The following KTN1 variants were observed in gnomAD, a reference collection of about 807,000 sequenced individuals.
KTN1 encodes kinectin 1.
Under a neutral mutation model 222.5 loss-of-function variants are expected in KTN1, and 130 were observed. The ratio of observed to expected loss-of-function variants is 0.58; its 90% CI spans 0.51 to 0.68. The LOEUF (loss-of-function observed/expected upper bound fraction) is 0.68. Among genes scored for constraint, KTN1 ranks in the 30% least tolerant of loss-of-function variants. KTN1 has a pLI of 0.00. For missense variants in KTN1, 1,508 were observed against 1,500.4 expected (o/e 1.01, Z -0.08); for synonymous variants, 512 against 496.3 (o/e 1.03, Z -0.42).
chr14:55,595,033 A>G (rs2034785654), intron 1 of KTN1, among the ~76,000 whole-genome samples: 1 of 152,238 alleles, frequency 6.6e-6, no homozygotes, highest in Non-Finnish European at 1.5e-5. Flanking sequence ...CAAGTTGTTC[A>G]CAACACGGGA....
chr14:55,668,806 A>T (rs941839402), intron 34 of KTN1: 1 of 152,130 alleles, frequency 6.6e-6, no homozygotes. Context: ...GGGGTGGGGT[A>T]AGTAAACTTA....
intron 34 of KTN1, among the ~76,000 whole-genome samples, chr14:55,669,564 G>C (rs1005541589): frequency 5.3e-5 from 8 of 151,870 alleles, no homozygotes; most frequent in Non-Finnish European, 1.2e-4. Context: ...TCCTCTTGCT[G>C]TTTTGCTGAG....
rs768878340 is a variant in KTN1 at position 55,673,208 on chromosome 14, G to T, written c.3724G>T (p.Asp1242Tyr). The T allele has an allele frequency of 2.5e-6, 4 of 1,613,174 alleles. No individual in the cohort carries two copies. In the Admixed American group the frequency reaches 6.7e-5, roughly 27 times the overall value. Reference protein sequence around the residue: ...DLLTELQKKLDDSYSEAVRQN... With the variant: ...DLLTELQKKLYDSYSEAVRQN... ...GTTGACTGAATTGCAGAAAAAACTTGATGATTCATATTCTGAAGCAGTAAG... is the reference window on the plus strand; with the variant it reads ...GTTGACTGAATTGCAGAAAAAACTTTATGATTCATATTCTGAAGCAGTAAG... Residue 1242 changes from aspartate (D) to tyrosine (Y), a missense_variant, in exon 40 of 44, where the codon GAT (aspartate) becomes TAT (tyrosine). Physicochemically the swap from Asp to Tyr is radical, Grantham distance 160. Coordinates refer to ENST00000395314, the MANE Select transcript of KTN1 (RefSeq NM_001079521.2).
chr14:55,619,826 C>T (rs750318023), intron 5 of KTN1, among the ~76,000 whole-genome samples: 1 of 152,062 alleles, frequency 6.6e-6, no homozygotes, highest in Non-Finnish European at 1.5e-5. Flanking sequence ...CATAACATTC[C>T]ACTCCAGACC....
intron 1 of KTN1, among the ~76,000 whole-genome samples, chr14:55,598,460 G>A (rs574762772): frequency 6.6e-6 from 1 of 150,752 alleles, no homozygotes; most frequent in East Asian, 1.9e-4. Context: ...AAGAATATTG[G>A]TTCCTCAATC....
In KTN1 at chr14:55,648,827, T is replaced by C. The variant is rs2042651403; in HGVS notation, c.2324T>C (p.Leu775Pro). 1.2e-6 allele frequency: 2 copies of C among 1,605,810 alleles called. No individual in the cohort carries two copies. The highest frequency in any genetic ancestry group is 2.7e-5 in the African/African-American group (2 of 74,732). Residue 775 changes from leucine (L) to proline (P), a missense_variant, in exon 21 of 44, where the codon CTG becomes CCG. Physicochemically the swap from Leu to Pro is moderately conservative, Grantham distance 98. Transcript: ENST00000395314. Reference sequence around the variant, plus strand: ...GCAATAAGAACAGAAAATTCATCTCTGACAAAAGAAGTTCAAGACTTAAAA... The same window carrying C: ...GCAATAAGAACAGAAAATTCATCTCCGACAAAAGAAGTTCAAGACTTAAAA... Reference protein sequence around the residue: ...LNAIRTENSSLTKEVQDLKAK... With the variant: ...LNAIRTENSSPTKEVQDLKAK...
chr14:55,680,716 T>C (rs747017608), intron 43 of KTN1: 3 of 1,366,370 alleles, frequency 2.2e-6, no homozygotes, highest in Non-Finnish European at 2.9e-6. Flanking sequence ...CCTTGACACA[T>C]GCTCTCCTTC....
Position 55,675,829 on chromosome 14 carries a change from T to C in KTN1, c.3772-6T>C. The C allele has an allele frequency of 1.3e-6, 2 of 1,590,464 alleles. No homozygotes were observed. Among genetic ancestry groups the C allele is most frequent in the Non-Finnish European group, 1.7e-6 (2 of 1,159,324 alleles). Reference sequence around the variant, plus strand: ...AGTTAATTGTGGTGTTCCTTTATTTTTACAGTTGAAGGCACAGTTAAATGA... The same window carrying C: ...AGTTAATTGTGGTGTTCCTTTATTTCTACAGTTGAAGGCACAGTTAAATGA... On this transcript the variant is annotated splice_region_variant and splice_polypyrimidine_tract_variant and intron_variant, in intron 40 of 43. Transcript: ENST00000395314.
chr14:55,649,916 G>A (rs980034971), intron 22 of KTN1, 103 bp downstream of exon 22: 6 of 607,908 alleles, frequency 9.9e-6, no homozygotes, highest in African/African-American at 7.9e-5. Context: ...GACAGCTGAT[G>A]TATGTTTAAC....
In KTN1 at chr14:55,580,771, A is replaced by G. The variant is rs190811353; in HGVS notation, c.-31+417A>G. On this transcript the variant is annotated intron_variant, in intron 1 of 43. Coordinates refer to ENST00000395314, the MANE Select transcript of KTN1 (RefSeq NM_001079521.2). Reference sequence around the variant, plus strand: ...GGGCCCCCGGGAGGGAAGGCGGATTACCGCCTCCTCGGCCGGTGGACGGAG... The same window carrying G: ...GGGCCCCCGGGAGGGAAGGCGGATTGCCGCCTCCTCGGCCGGTGGACGGAG... Among the ~76,000 whole-genome samples the G allele has an allele frequency of 9.1e-3, 1,381 of 152,074 alleles. 35 individuals are homozygous for G. Among genetic ancestry groups the G allele is most frequent in the Admixed American group, 0.053 (811 of 15,304 alleles).
At chr14:55,609,124 T>G (rs1031127662) in intron 1 of KTN1, among the ~76,000 whole-genome samples, 1 of 151,870 alleles carries the variant, frequency 6.6e-6, no homozygotes, top group Non-Finnish European at 1.5e-5. Context: ...CTGCACCTAC[T>G]GACCCATCCT....
At chr14:55,608,989 G>C (rs1189908283) in intron 1 of KTN1, among the ~76,000 whole-genome samples, 1 of 151,694 alleles carries the variant, frequency 6.6e-6, no homozygotes, top group Non-Finnish European at 1.5e-5. Flanking sequence ...TAAAGAATTG[G>C]GATTGTTGGG....
At chr14:55,608,138 T>C (rs1472968892) in intron 1 of KTN1, among the ~76,000 whole-genome samples, 1 of 152,208 alleles carries the variant, frequency 6.6e-6, no homozygotes, top group Non-Finnish European at 1.5e-5. Context: ...CTTTTATTTT[T>C]CAGTTTTGCC....
intron 43 of KTN1, chr14:55,680,370 T>G (rs747397380): frequency 0.029 from 3,500 of 119,488 alleles, 145 homozygotes; most frequent in African/African-American, 0.11. Context: ...GGTTGTAGGG[T>G]TTTTTTTTTT....
intron 33 of KTN1, among the ~76,000 whole-genome samples, chr14:55,665,625 G>T (rs1183439238): frequency 1.3e-5 from 2 of 151,988 alleles, no homozygotes; most frequent in African/African-American, 4.8e-5. Flanking sequence ...TACCTAAAAT[G>T]TAAAGAGGAT....
intron 21 of KTN1, among the ~76,000 whole-genome samples, chr14:55,649,100 A>AT (rs969753768): frequency 1.3e-5 from 2 of 151,958 alleles, no homozygotes; most frequent in East Asian, 1.9e-4. Flanking sequence ...CTTTTATTTT[A>AT]TTTTTTTGTA....
rs554816751 is a variant in KTN1 at position 55,611,898 on chromosome 14, T to C, written c.-30-121T>C. 8.3e-4 allele frequency: 355 copies of C among 426,774 alleles called. 2 individuals carry two copies. Among genetic ancestry groups the C allele is most frequent in the Admixed American group, 1.7e-3 (40 of 23,134 alleles). 26.4% of individuals were successfully genotyped at this position (426,774 alleles called of 1,614,324 possible). On this transcript the variant is annotated intron_variant, in intron 1 of 43. Transcript: ENST00000395314. ...ATGTGATTTAAAGAACTAACCTGTTTAGATTTGTAGGTCAGGTTAGATTTG... is the reference window on the plus strand; with the variant it reads ...ATGTGATTTAAAGAACTAACCTGTTCAGATTTGTAGGTCAGGTTAGATTTG...
intron 1 of KTN1, among the ~76,000 whole-genome samples, chr14:55,590,529 C>G (rs1029181671): frequency 3.3e-5 from 5 of 152,098 alleles, no homozygotes; most frequent in African/African-American, 4.8e-5. Context: ...TAACCACTAC[C>G]TTTCTTACCT....
intron 1 of KTN1, among the ~76,000 whole-genome samples, chr14:55,594,437 C>T (rs1594738321): frequency 6.6e-6 from 1 of 151,408 alleles, no homozygotes; most frequent in South Asian, 2.1e-4. Context: ...TGCTTGATCT[C>T]ACTCATCCTG....
Sources: gnomAD v4.1 joint callset for allele counts (sites outside exome capture counted in the v4.1 genomes callset) on GRCh38, gnomAD v4.1.1 for gene constraint, MANE v1.5 for transcripts, NCBI Gene and HGNC (gene_info 2026-07-23, HGNC 2026-07-21) for gene names.